PHKA1: variants seen among roughly 807,000 people sequenced by gnomAD.
The protein encoded by PHKA1 is phosphorylase b kinase regulatory subunit alpha, skeletal muscle isoform.
In PHKA1, 60 loss-of-function variants were observed where a neutral mutation model predicts 110.2. The observed-to-expected ratio is 0.54, with a 90% CI of 0.44 to 0.68. The LOEUF (loss-of-function observed/expected upper bound fraction) is 0.68. Ranked by LOEUF, PHKA1 falls within the 30% of genes least tolerant of loss-of-function variation. PHKA1 has a pLI of 0.00. For missense variants in PHKA1, 801 were observed against 942.5 expected (o/e 0.85, Z 1.97); for synonymous variants, 316 against 333.6 (o/e 0.95, Z 0.58).
chrX:72,609,442 C>T (rs181215980), intron 23 of PHKA1, among the ~76,000 whole-genome samples, 182 bp downstream of exon 23: 137 of 111,981 alleles, frequency 1.2e-3, no homozygotes, highest in African/African-American at 4.3e-3. Context: ...TTGAGTACTA[C>T]TCTGTGAGTT....
intron 6 of PHKA1, among the ~76,000 whole-genome samples, chrX:72,673,141 C>A (rs1556309914): frequency 9.1e-6 from 1 of 110,431 alleles, no homozygotes; most frequent in African/African-American, 3.3e-5. Flanking sequence ...TTTGAATGGG[C>A]TATATCAATT....
Position 72,593,250 on chromosome X carries a change from T to G in PHKA1, c.3097A>C (p.Ser1033Arg). ...TATGCACTAGGAAAGGACCCACTAC[T>G]TGGAGTCATAGAGGTTCCAGGTGAC... ...SQSPGTSMTP[S>R]SGSFPSAYDQ... The change falls in exon 29 of 32, where the codon AGT becomes CGT. Residue 1033 changes from serine to arginine, a missense_variant. Physicochemically the swap from Ser to Arg is moderately radical, Grantham distance 110. Around this residue, in one of 2 missense-constraint regions of PHKA1, gnomAD observed 502 missense variants for 519.2 expected, o/e 0.97. Transcript: ENST00000373542. 1 of 1,204,484 alleles carries G rather than the reference T, an allele frequency of 8.3e-7. No individual in the cohort carries two copies. Among genetic ancestry groups the G allele is most frequent in the Non-Finnish European group, 1.1e-6 (1 of 888,652 alleles).
intron 27 of PHKA1, 24 bp downstream of exon 27, chrX:72,602,134 C>T: frequency 9.2e-7 from 1 of 1,083,518 alleles, no homozygotes; most frequent in Non-Finnish European, 1.3e-6. Flanking sequence ...AATATCCCAG[C>T]TAATCTCCCA....
chrX:72,652,443 G>A, intron 12 of PHKA1, 101 bp downstream of exon 12: 1 of 561,406 alleles, frequency 1.8e-6, no homozygotes, highest in Non-Finnish European at 3.1e-6. Flanking sequence ...AAGTGCAAAA[G>A]GCAGAAGACA....
chrX:72,599,764 G>C, intron 28 of PHKA1: 3 of 496,341 alleles, frequency 6.0e-6, no homozygotes. Flanking sequence ...TTATATAAGA[G>C]CATATTCAAA....
At position 72,695,869 on chromosome X, in the gene PHKA1, T is replaced by A; in HGVS notation, c.293A>T (p.Lys98Ile). ...CTGACTATATTTGAAGGATTCTACT[T>A]TATCCACCTGAAAAGAACAAAAACA... is the stretch of plus-strand genomic sequence containing the variant. ...LLHCMIRQVD[K>I]VESFKYSQST... Residue 98 changes from lysine to isoleucine, a missense_variant, in exon 4 of 32, where the codon AAA (lysine) becomes ATA (isoleucine). This residue lies in a region of PHKA1 where 299 missense variants were observed against 423.3 expected (regional missense o/e 0.71). Transcript: ENST00000373542. The A allele has an allele frequency of 8.3e-7, 1 of 1,206,844 alleles. No individual in the cohort carries two copies. Among genetic ancestry groups the A allele is most frequent in the Non-Finnish European group, 1.1e-6 (1 of 891,179 alleles).
At chrX:72,628,917 T>G (rs1603259110) in intron 16 of PHKA1, among the ~76,000 whole-genome samples, 1 of 111,108 alleles carries the variant, frequency 9.0e-6, no homozygotes. Flanking sequence ...ACAGGTTTAT[T>G]GTTTATGTTT....
At chrX:72,592,907 A>C (rs1474742464) in intron 29 of PHKA1, among the ~76,000 whole-genome samples, 197 bp downstream of exon 29, 4 of 112,913 alleles carry the variant, frequency 3.5e-5, no homozygotes, top group Non-Finnish European at 7.5e-5. Context: ...CAACAATAAT[A>C]GAAAGAGACT....
chrX:72,596,491 C>A lies in PHKA1; in HGVS notation c.3073-3217G>T, dbSNP rs966508492. 4.5e-5 allele frequency among the ~76,000 whole-genome samples: 5 copies of A among 110,654 alleles called. No individual in the cohort carries two copies. In the Admixed American group the frequency reaches 4.8e-4, roughly 11 times the overall value. ...AAAAATTAGTTGTATTTGTAAACAG[C>A]AGCAATGAACAATATTAAAATAAAA... On this transcript the variant is annotated intron_variant, in intron 28 of 31. Transcript: ENST00000373542.
chrX:72,598,303 A>G (rs1025686516), intron 28 of PHKA1, among the ~76,000 whole-genome samples: 3 of 111,771 alleles, frequency 2.7e-5, no homozygotes, highest in Non-Finnish European at 3.8e-5. Flanking sequence ...CAAAACCACT[A>G]CGAGATACCA....
chrX:72,672,668 C>T (rs910895791), intron 6 of PHKA1, among the ~76,000 whole-genome samples: 1 of 111,816 alleles, frequency 8.9e-6, no homozygotes, highest in Non-Finnish European at 1.9e-5. Context: ...AGTTTCAATA[C>T]GAATTTTGGT....
At chrX:72,687,618 T>C (rs1200911005) in intron 4 of PHKA1, among the ~76,000 whole-genome samples, 1 of 110,877 alleles carries the variant, frequency 9.0e-6, no homozygotes, top group Non-Finnish European at 1.9e-5. Flanking sequence ...TTGCTTCCCC[T>C]TTTCTGTGGT....
rs184522926 is a variant in PHKA1, at chrX:72,710,430, C to T, written c.237+2349G>A. ...ATATACTGAGGGATGACTGCATTGT[C>T]TCTGGCTGCATTTGCACCACAATCA... is the stretch of plus-strand genomic sequence containing the variant. On this transcript the variant is annotated intron_variant, in intron 2 of 31. Coordinates refer to ENST00000373542, the MANE Select transcript of PHKA1 (RefSeq NM_002637.4). 1.7e-3 allele frequency among the ~76,000 whole-genome samples: 195 copies of T among 112,186 alleles called. 1 individual carries two copies. Among genetic ancestry groups the T allele is most frequent in the Middle Eastern group, 0.014 (3 of 217 alleles).
chrX:72,702,430 A>G lies in PHKA1; in HGVS notation c.285+2768T>C, dbSNP rs2054218146. Among the ~76,000 whole-genome samples, 4 of 111,934 alleles carry G rather than the reference A, an allele frequency of 3.6e-5. No homozygotes were observed. The South Asian group carries it at 1.5e-3, about 43-fold the overall frequency. Reference sequence around the variant, plus strand: ...ACACCACTGCACTCCAGCCTGGGTGACAGAAAGAGGCTTCATCTCAAAAAA... The same window carrying G: ...ACACCACTGCACTCCAGCCTGGGTGGCAGAAAGAGGCTTCATCTCAAAAAA... On this transcript the variant is annotated intron_variant, in intron 3 of 31. Coordinates refer to ENST00000373542, the MANE Select transcript of PHKA1 (RefSeq NM_002637.4).
chrX:72,589,640 C>A (rs1430779222), intron 29 of PHKA1, among the ~76,000 whole-genome samples: 1 of 109,391 alleles, frequency 9.1e-6, no homozygotes, highest in Non-Finnish European at 1.9e-5. Flanking sequence ...GTCAAATTGT[C>A]CCTGTTTGCA....
intron 28 of PHKA1, among the ~76,000 whole-genome samples, chrX:72,596,828 G>A (rs781855833): frequency 9.1e-4 from 102 of 111,603 alleles, no homozygotes; most frequent in Non-Finnish European, 1.8e-3. Context: ...AAGTTGGAGA[G>A]CTCACACTTC....
At position 72,620,832 on chromosome X, in the gene PHKA1, AG is replaced by A. The variant is rs782496739; in HGVS notation, c.2029del (p.Leu677Ter). On this transcript the variant is annotated frameshift_variant, in exon 19 of 32. Coordinates refer to ENST00000373542, the MANE Select transcript of PHKA1 (RefSeq NM_002637.4). LOFTEE classifies it high-confidence loss of function. ...LLAHTAPHPK[L>X]APTSQKGGLD... The stretch of plus-strand genomic sequence containing the variant: ...CCCTCCCTTCTGTGAGGTAGGGGCT[AG>A]TTTAGGATGGGGAGCAGTGTGCGCC... 5 of 1,207,888 alleles carry A rather than the reference AG, an allele frequency of 4.1e-6. No homozygotes were observed. Among genetic ancestry groups the A allele is most frequent in the Non-Finnish European group, 5.6e-6 (5 of 894,382 alleles).
At position 72,640,891 on chromosome X, in the gene PHKA1, A is replaced by G. The variant is rs782019706; in HGVS notation, c.1459+3471T>C. ...GGCAAGAAAATAATTATCTAAAAGA[A>G]AGTAACAGACTAGGAAATATATATA... On this transcript the variant is annotated intron_variant, in intron 14 of 31. Transcript: ENST00000373542. Among the ~76,000 whole-genome samples the G allele has an allele frequency of 3.4e-4, 38 of 111,375 alleles. 1 individual carries two copies. Among genetic ancestry groups the G allele is most frequent in the Non-Finnish European group, 6.0e-4 (32 of 53,064 alleles).
chrX:72,650,688 G>T lies in PHKA1; in HGVS notation c.1246-220C>A, dbSNP rs3788796. ...TTAATTGCTATTGGCTGCCACAAATGCTTTTTTAGGTAGGGTATAAATATG... is the reference window on the plus strand; with the variant it reads ...TTAATTGCTATTGGCTGCCACAAATTCTTTTTTAGGTAGGGTATAAATATG... On this transcript the variant is annotated intron_variant, in intron 12 of 31. Transcript: ENST00000373542. Among the ~76,000 whole-genome samples, 8,465 of 111,685 alleles carry T rather than the reference G, an allele frequency of 0.076. 866 individuals carry two copies. Among genetic ancestry groups the T allele is most frequent in the East Asian group, 0.67 (2,365 of 3,508 alleles).
Sources: gnomAD v4.1 joint callset for allele counts (sites outside exome capture counted in the v4.1 genomes callset) on GRCh38, gnomAD v4.1.1 for gene constraint, gnomAD v4.1.1 regional missense constraint, MANE v1.5 for transcripts, NCBI Gene and HGNC (gene_info 2026-07-23, HGNC 2026-07-21) for gene names.